SKIC3: variants seen among roughly 807,000 people sequenced by gnomAD.
SKIC3 encodes the protein superkiller complex protein 3.
chr5:95,538,226 C>T, the SKIC3 span, among the ~76,000 whole-genome samples: 3 of 152,012 alleles, frequency 2.0e-5, no homozygotes, highest in African/African-American at 7.2e-5. Flanking sequence ...TGGTAACCTA[C>T]ATTATTTTAA....
At chr5:95,507,850 G>T in the SKIC3 span, among the ~76,000 whole-genome samples, 2 of 151,796 alleles carry the variant, frequency 1.3e-5, no homozygotes, top group African/African-American at 4.8e-5. Flanking sequence ...ATACACCCAA[G>T]TGACTGTGGA....
the SKIC3 span, among the ~76,000 whole-genome samples, chr5:95,533,343 T>C: frequency 1.3e-5 from 2 of 152,180 alleles, no homozygotes; most frequent in South Asian, 2.1e-4. Flanking sequence ...TAGCAAATTC[T>C]GTACATACTG....
At chr5:95,474,292 A>G in the SKIC3 span, among the ~76,000 whole-genome samples, 1 of 152,144 alleles carries the variant, frequency 6.6e-6, no homozygotes. Context: ...AGTAGTACCA[A>G]TGAATTCCCT....
the SKIC3 span, chr5:95,543,335 A>T: frequency 6.9e-5 from 112 of 1,612,054 alleles, no homozygotes; most frequent in Middle Eastern, 1.7e-4. Context: ...TGTCTGATTT[A>T]AAAAAAATTA....
chr5:95,551,211 C>G, the SKIC3 span, among the ~76,000 whole-genome samples: 1 of 152,052 alleles, frequency 6.6e-6, no homozygotes. Flanking sequence ...AACACAACTA[C>G]ACATCTACAA....
chr5:95,515,082 G>A, the SKIC3 span: 1 of 673,080 alleles, frequency 1.5e-6, no homozygotes, highest in Admixed American at 2.4e-5. Flanking sequence ...TTAAAGCAGT[G>A]TTTTAACTAC....
the SKIC3 span, among the ~76,000 whole-genome samples, chr5:95,473,274 T>C: frequency 6.6e-6 from 1 of 152,064 alleles, no homozygotes; most frequent in Non-Finnish European, 1.5e-5. Context: ...CACCTGTTAT[T>C]TTTGTTGTTA....
chr5:95,505,646 T>C, the SKIC3 span, among the ~76,000 whole-genome samples: 1 of 151,962 alleles, frequency 6.6e-6, no homozygotes, highest in Non-Finnish European at 1.5e-5. Flanking sequence ...ACTCCGTCTC[T>C]ACTAAAAATA....
the SKIC3 span, among the ~76,000 whole-genome samples, chr5:95,480,859 C>A: frequency 6.6e-6 from 1 of 151,970 alleles, no homozygotes; most frequent in Non-Finnish European, 1.5e-5. Context: ...GTGAAAGTAA[C>A]CAGATACAAA....
chr5:95,491,248 A>G, the SKIC3 span, among the ~76,000 whole-genome samples: 2 of 152,198 alleles, frequency 1.3e-5, no homozygotes, highest in Admixed American at 6.5e-5. Context: ...CAAACATATC[A>G]GAGGATGATA....
At chr5:95,536,689 C>G in the SKIC3 span, 1 of 799,616 alleles carries the variant, frequency 1.3e-6, no homozygotes, top group Admixed American at 1.8e-5. Context: ...CATTATACTT[C>G]TTTTTATGTC....
chr5:95,465,743 A>G, the SKIC3 span, among the ~76,000 whole-genome samples: 1 of 152,222 alleles, frequency 6.6e-6, no homozygotes, highest in African/African-American at 2.4e-5. Flanking sequence ...CGGTTGCATT[A>G]CAAGAAGGGA....
At chr5:95,484,724 C>A in the SKIC3 span, 1 of 1,614,010 alleles carries the variant, frequency 6.2e-7, no homozygotes, top group Non-Finnish European at 8.5e-7. Context: ...CATAAAATAC[C>A]TTTGTGCAGA....
chr5:95,524,438 G>A, the SKIC3 span: 6 of 1,611,562 alleles, frequency 3.7e-6, no homozygotes, highest in African/African-American at 1.3e-5. Context: ...ATTTCAACTA[G>A]GAATTGAATT....
chr5:95,525,674 C>A, the SKIC3 span: 3 of 1,613,760 alleles, frequency 1.9e-6, no homozygotes, highest in East Asian at 6.7e-5. Flanking sequence ...CATCAGAAAT[C>A]TAGAAAATAA....
the SKIC3 span, among the ~76,000 whole-genome samples, chr5:95,543,682 T>A: frequency 6.6e-6 from 1 of 152,246 alleles, no homozygotes; most frequent in Non-Finnish European, 1.5e-5. Context: ...TTCACAAAGC[T>A]GTTCTCCATC....
At chr5:95,551,690 C>T in the SKIC3 span, among the ~76,000 whole-genome samples, 2 of 152,206 alleles carry the variant, frequency 1.3e-5, no homozygotes, top group African/African-American at 2.4e-5. Flanking sequence ...AGCCCCTTTA[C>T]TCTGTCATAT....
chr5:95,489,294 A>T, the SKIC3 span, among the ~76,000 whole-genome samples: 2 of 152,128 alleles, frequency 1.3e-5, no homozygotes, highest in Non-Finnish European at 1.5e-5. Context: ...AACAACTAAA[A>T]TAATGATAGC....
chr5:95,533,154 GA>G, the SKIC3 span, among the ~76,000 whole-genome samples: 209 of 151,982 alleles, frequency 1.4e-3, 1 homozygote, highest in Non-Finnish European at 1.1e-3. Context: ...CATTTAGCAT[GA>G]AAAAAAATTT....
Sources: gnomAD v4.1 joint callset for allele counts (sites outside exome capture counted in the v4.1 genomes callset) on GRCh38, gnomAD v4.1.1 for gene constraint, MANE v1.5 for transcripts, NCBI Gene and HGNC (gene_info 2026-07-23, HGNC 2026-07-21) for gene names.